GRIK1: variants seen among roughly 807,000 people sequenced by gnomAD.
GRIK1 encodes the protein glutamate receptor ionotropic, kainate 1.
GRIK1 carries 69 observed loss-of-function variants against 105.7 expected under a neutral mutation model. The observed-to-expected ratio is 0.65, with a 90% CI of 0.54 to 0.80. GRIK1 has a LOEUF of 0.80. GRIK1 is among the 30% of genes least tolerant of loss of function. The probability of loss-of-function intolerance (pLI) is 0.00; values close to 1 mark genes in which losing one functional copy is unlikely to be tolerated. For synonymous variants in GRIK1, 438 were observed against 431.3 expected (o/e 1.02, Z -0.19); for missense variants, 1,109 against 1,167.3 (o/e 0.95, Z 0.73).
At chr21:29,641,804 CAG>C (rs1454169238) in intron 7 of GRIK1, among the ~76,000 whole-genome samples, 1 of 152,264 alleles carries the variant, frequency 6.6e-6, no homozygotes, top group East Asian at 1.9e-4. Flanking sequence ...CCTCATGGAT[CAG>C]AGTCAGCCTT....
intron 1 of GRIK1, among the ~76,000 whole-genome samples, chr21:29,887,197 A>T (rs2069660907): frequency 6.6e-6 from 1 of 152,220 alleles, no homozygotes; most frequent in South Asian, 2.1e-4. Context: ...ATGAGTTTTC[A>T]GACTACAAAG....
At chr21:29,879,788 C>A (rs2832469) in intron 1 of GRIK1, among the ~76,000 whole-genome samples, 1 of 151,964 alleles carries the variant, frequency 6.6e-6, no homozygotes, top group Non-Finnish European at 1.5e-5. Context: ...AATTTTGCAA[C>A]TGTCTTCTGC....
chr21:29,826,201 T>C (rs193051094), intron 1 of GRIK1, among the ~76,000 whole-genome samples: 1 of 152,200 alleles, frequency 6.6e-6, no homozygotes, highest in African/African-American at 2.4e-5. Flanking sequence ...TGATCACGTT[T>C]CCAAGCCATG....
chr21:29,547,210 G>C (rs1485297105), intron 16 of GRIK1, among the ~76,000 whole-genome samples: 1 of 152,162 alleles, frequency 6.6e-6, no homozygotes, highest in Non-Finnish European at 1.5e-5. Flanking sequence ...TGATTCATTA[G>C]ATGGGAACCT....
At chr21:29,609,289 A>G (rs561136705) in intron 7 of GRIK1, among the ~76,000 whole-genome samples, 4 of 152,082 alleles carry the variant, frequency 2.6e-5, no homozygotes, top group Non-Finnish European at 5.9e-5. Context: ...ATTCTCCCTG[A>G]CCACTCAGAA....
intron 1 of GRIK1, among the ~76,000 whole-genome samples, chr21:29,761,081 G>A (rs540597079): frequency 2.0e-5 from 3 of 152,182 alleles, no homozygotes; most frequent in Non-Finnish European, 4.4e-5. Context: ...GCTTGCTGTT[G>A]ATGATAATAA....
intron 1 of GRIK1, among the ~76,000 whole-genome samples, chr21:29,934,406 C>T (rs964648226): frequency 6.6e-6 from 1 of 152,146 alleles, no homozygotes; most frequent in Non-Finnish European, 1.5e-5. Flanking sequence ...TAACGTTAGT[C>T]AGGCACTCCC....
chr21:29,584,458 A>G (rs1235841825), intron 12 of GRIK1, among the ~76,000 whole-genome samples: 2 of 152,212 alleles, frequency 1.3e-5, no homozygotes, highest in African/African-American at 4.8e-5. Context: ...ATATTTTTCA[A>G]AAAGTGGAAA....
chr21:29,723,089 G>A (rs1459482761), intron 1 of GRIK1, among the ~76,000 whole-genome samples: 3 of 152,150 alleles, frequency 2.0e-5, no homozygotes, highest in African/African-American at 7.2e-5. Context: ...GAGGCCAAGA[G>A]GATTGACTTG....
chr21:29,792,895 T>C (rs1429602089), intron 1 of GRIK1, among the ~76,000 whole-genome samples: 1 of 152,204 alleles, frequency 6.6e-6, no homozygotes, highest in Non-Finnish European at 1.5e-5. Flanking sequence ...GAATATCTGC[T>C]TTTTTATTTT....
At chr21:29,885,623 A>G (rs1569189284) in intron 1 of GRIK1, among the ~76,000 whole-genome samples, 1 of 152,136 alleles carries the variant, frequency 6.6e-6, no homozygotes, top group African/African-American at 2.4e-5. Flanking sequence ...CAAAATTTCT[A>G]TCATAGCATC....
intron 1 of GRIK1, among the ~76,000 whole-genome samples, chr21:29,736,220 A>C (rs2064787749): frequency 6.6e-6 from 1 of 152,062 alleles, no homozygotes; most frequent in African/African-American, 2.4e-5. Context: ...GATTATGATT[A>C]TGATTATGAT....
In GRIK1 at chr21:29,614,073, G is replaced by C. The variant is rs115429806; in HGVS notation, c.1099-15136C>G. Among the ~76,000 whole-genome samples the C allele has an allele frequency of 6.7e-3, 1,023 of 152,190 alleles. 7 individuals are homozygous for C. Among genetic ancestry groups the C allele is most frequent in the African/African-American group, 0.023 (942 of 41,504 alleles). On this transcript the variant is annotated intron_variant, in intron 7 of 17. Transcript: ENST00000327783. ...CTGGGGATTTAGATAACAACCCCTA[G>C]CATGGCCTCAAACCAAGTTTTTTTC...
In GRIK1 at chr21:29,785,087, AAT is replaced by A; in HGVS notation, c.119-91026_119-91025del. 2.6e-5 allele frequency among the ~76,000 whole-genome samples: 4 copies of A among 152,336 alleles called. 1 individual carries two copies. The highest frequency in any genetic ancestry group is 3.4e-3 in the Middle Eastern group (1 of 294). On this transcript the variant is annotated intron_variant, in intron 1 of 17. Transcript: ENST00000327783. ...AAACAATTCAGAAATGGTTCCCTCC[AAT>A]ACCTAGTTTTTCTGGTGCATTTTAA...
intron 1 of GRIK1, among the ~76,000 whole-genome samples, chr21:29,743,988 C>T (rs1033830178): frequency 3.3e-5 from 5 of 152,128 alleles, no homozygotes; most frequent in African/African-American, 1.2e-4. Flanking sequence ...ACTAGGCTTA[C>T]CACCTGGGTG....
rs543103196 is a variant in GRIK1 at position 29,836,194 on chromosome 21, G to A, written c.118+103189C>T. On this transcript the variant is annotated intron_variant, in intron 1 of 17. Transcript: ENST00000327783. ...TCTACCAGCAGGAAATTGAACTGAG[G>A]CACTGGGAAATTTAAGAGAAAATTG... Among the ~76,000 whole-genome samples, 4 of 152,238 alleles carry A rather than the reference G, an allele frequency of 2.6e-5. No homozygotes were observed. The South Asian group carries it at 6.2e-4, about 24-fold the overall frequency.
chr21:29,929,853 A>G (rs1000873740), intron 1 of GRIK1, among the ~76,000 whole-genome samples: 4 of 152,224 alleles, frequency 2.6e-5, no homozygotes, highest in Non-Finnish European at 5.9e-5. Flanking sequence ...CATGTTGAAG[A>G]GATATCTGCA....
intron 1 of GRIK1, among the ~76,000 whole-genome samples, chr21:29,779,999 C>G (rs2066049888): frequency 6.6e-6 from 1 of 152,184 alleles, no homozygotes; most frequent in African/African-American, 2.4e-5. Context: ...TTGGGCACTT[C>G]TTTATTAGCT....
chr21:29,621,535 G>A (rs1349583130), intron 7 of GRIK1, among the ~76,000 whole-genome samples: 3 of 152,148 alleles, frequency 2.0e-5, no homozygotes, highest in Non-Finnish European at 4.4e-5. Flanking sequence ...TTACTTTGTA[G>A]TAATAGTGAA....
Sources: allele counts gnomAD v4.1 joint callset (sites outside exome capture counted in the v4.1 genomes callset), GRCh38; gene constraint gnomAD v4.1.1; transcripts MANE v1.5; gene names NCBI Gene and HGNC (gene_info 2026-07-23, HGNC 2026-07-21).